Variants in PSMA1 observed in about 807,000 individuals in gnomAD.
The protein encoded by PSMA1 is proteasome 20S subunit alpha 1, also known as proteasome subunit alpha type-1.
Under a neutral mutation model 38.4 loss-of-function variants are expected in PSMA1, and 3 were observed. The ratio of observed to expected loss-of-function variants is 0.08; its 90% CI spans 0.04 to 0.20. The LOEUF (loss-of-function observed/expected upper bound fraction) is 0.20, where lower values mean the gene tolerates loss of function less well. Among genes scored for constraint, PSMA1 ranks in the 10% least tolerant of loss-of-function variants. PSMA1 has a pLI of 1.00. For synonymous variants in PSMA1, 101 were observed against 107.1 expected, an observed-to-expected ratio of 0.94 and a Z score of 0.35; for missense variants, 227 against 325.3, an observed-to-expected ratio of 0.70 and a Z score of 2.32.
intron 2 of PSMA1, among the ~76,000 whole-genome samples, chr11:14,595,923 G>A (rs1250198301): frequency 6.6e-6 from 1 of 152,148 alleles, no homozygotes; most frequent in African/African-American, 2.4e-5. Flanking sequence ...TTTTGTATAA[G>A]GTGTAAGGGA....
intron 2 of PSMA1, among the ~76,000 whole-genome samples, chr11:14,530,620 T>C (rs1851636981): frequency 6.6e-6 from 1 of 152,130 alleles, no homozygotes. Flanking sequence ...TAAGAGTTAG[T>C]GGGCTGGATG....
chr11:14,560,155 A>T (rs546012210), intron 2 of PSMA1, among the ~76,000 whole-genome samples: 1 of 152,310 alleles, frequency 6.6e-6, no homozygotes, highest in East Asian at 1.9e-4. Context: ...AGTTGTGGGA[A>T]TGACTGCCTT....
At position 14,510,110 on chromosome 11, in the gene PSMA1, C is replaced by T. The variant is rs190544218; in HGVS notation, c.624+762G>A. Among the ~76,000 whole-genome samples the T allele has an allele frequency of 4.3e-4, 66 of 152,266 alleles. 1 individual carries two copies. The East Asian group carries it at 7.9e-3, about 18-fold the overall frequency. On this transcript the variant is annotated intron_variant, in intron 8 of 9. Coordinates refer to ENST00000396394, the MANE Select transcript of PSMA1 (RefSeq NM_002786.4). The stretch of plus-strand genomic sequence containing the variant: ...TTCCTCTGCTCAAACTCTTAACAGC[C>T]CACCCAGAGTAAAATGCAGAGTAAC...
At chr11:14,643,445 C>A in intron 1 of PSMA1, 1 of 152,264 alleles carries the variant, frequency 6.6e-6, no homozygotes, top group Non-Finnish European at 1.5e-5. Context: ...GCTGGGTGTC[C>A]GTGACTTACC....
intron 2 of PSMA1, among the ~76,000 whole-genome samples, chr11:14,536,321 A>G (rs1195408517): frequency 5.3e-5 from 8 of 152,052 alleles, no homozygotes; most frequent in Non-Finnish European, 1.2e-4. Flanking sequence ...GCGGTCAAGA[A>G]TTCGAAACCA....
At chr11:14,552,820 CTTTTT>C (rs34932699) in intron 2 of PSMA1, among the ~76,000 whole-genome samples, 2 of 122,026 alleles carry the variant, frequency 1.6e-5, no homozygotes, top group Non-Finnish European at 1.7e-5. Flanking sequence ...GCTTATATAA[CTTTTT>C]TTTTTTTTTT....
chr11:14,520,492 G>A, upstream of PSMA1: 1 of 1,446,584 alleles, frequency 6.9e-7, no homozygotes, highest in Non-Finnish European at 9.1e-7. Context: ...CCGACCGCTC[G>A]GCGGCGGGCG....
At chr11:14,593,049 A>G (rs1247879627) in intron 2 of PSMA1, among the ~76,000 whole-genome samples, 1 of 152,226 alleles carries the variant, frequency 6.6e-6, no homozygotes, top group East Asian at 1.9e-4. Flanking sequence ...CCTTGACACA[A>G]TAATTGTTAA....
At chr11:14,608,055 A>G (rs908420471) in intron 2 of PSMA1, among the ~76,000 whole-genome samples, 1 of 152,190 alleles carries the variant, frequency 6.6e-6, no homozygotes, top group Non-Finnish European at 1.5e-5. Flanking sequence ...TACCCCAATA[A>G]TAGTGTATAT....
chr11:14,634,376 GC>G (rs1237740633), intron 1 of PSMA1, among the ~76,000 whole-genome samples: 11 of 152,128 alleles, frequency 7.2e-5, no homozygotes, highest in Admixed American at 2.6e-4. Flanking sequence ...ACAAATGCAT[GC>G]AACACACACT....
At chr11:14,525,229 T>G (rs1446007559), upstream of PSMA1, among the ~76,000 whole-genome samples, 2 of 152,140 alleles carry the variant, frequency 1.3e-5, no homozygotes, top group Non-Finnish European at 2.9e-5. Context: ...AGCCAAGACA[T>G]TTTAACCAAA....
chr11:14,641,234 G>A (rs1323158825), intron 1 of PSMA1, among the ~76,000 whole-genome samples: 2 of 152,020 alleles, frequency 1.3e-5, no homozygotes, highest in East Asian at 3.8e-4. Flanking sequence ...AATAAGGATG[G>A]GGTAAAGTGC....
chr11:14,549,595 G>T lies in PSMA1; in HGVS notation c.22-30554C>A, dbSNP rs188070025. ...GGGCCCCTGTAGTCCCAGCTACTTA[G>T]GAGGCTGAGGCAGGAGAATGGTGCG... On this transcript the variant is annotated intron_variant, in intron 2 of 10. Coordinates refer to the PSMA1 transcript ENST00000418988. Among the ~76,000 whole-genome samples, 426 of 151,970 alleles carry T rather than the reference G, an allele frequency of 2.8e-3. 5 individuals are homozygous for T. The highest frequency in any genetic ancestry group is 9.9e-3 in the African/African-American group (411 of 41,414).
At chr11:14,518,096 T>A (rs969123413) in intron 2 of PSMA1, 115 bp from the exon 3 acceptor site, 8 of 727,860 alleles carry the variant, frequency 1.1e-5, no homozygotes, top group Non-Finnish European at 1.7e-5. Flanking sequence ...TTTTTTTTAA[T>A]CAAGAGACCT....
At chr11:14,628,586 T>C (rs10832287) in intron 1 of PSMA1, among the ~76,000 whole-genome samples, 45,023 of 149,208 alleles carry the variant, frequency 0.3, 7,851 homozygotes, top group South Asian at 0.43. Context: ...TTTGGGTTGG[T>C]TCCAAGTCTT....
In PSMA1 at chr11:14,518,990, A is replaced by AT; in HGVS notation, c.48+6dup. The AT allele has an allele frequency of 6.3e-7, 1 of 1,575,800 alleles. No individual in the cohort carries two copies. The highest frequency in any genetic ancestry group is 8.6e-7 in the Non-Finnish European group (1 of 1,161,462). The stretch of plus-strand genomic sequence containing the variant: ...TTCACAGAAAAGGTTTAAAAACATT[A>AT]TTTTACCTGGGGGCTCCAAACAGTG... On this transcript the variant is annotated splice_region_variant and intron_variant, in intron 2 of 9. Coordinates refer to ENST00000396394, the MANE Select transcript of PSMA1 (RefSeq NM_002786.4).
At chr11:14,584,491 G>GT (rs1442575192) in intron 2 of PSMA1, among the ~76,000 whole-genome samples, 125 of 134,100 alleles carry the variant, frequency 9.3e-4, no homozygotes, top group African/African-American at 2.5e-3. Context: ...GGTTTGGAGT[G>GT]TTTTTTTTGT....
chr11:14,624,453 A>G (rs1852887267), intron 1 of PSMA1, among the ~76,000 whole-genome samples: 1 of 152,174 alleles, frequency 6.6e-6, no homozygotes, highest in South Asian at 2.1e-4. Flanking sequence ...AATCAGGACT[A>G]GCCCTATCTA....
At chr11:14,604,040 C>A (rs1332856710) in intron 2 of PSMA1, among the ~76,000 whole-genome samples, 1 of 152,176 alleles carries the variant, frequency 6.6e-6, no homozygotes, top group Non-Finnish European at 1.5e-5. Flanking sequence ...CTCTTCCCAC[C>A]ATTAAAATAC....
Sources: gnomAD v4.1 joint callset for allele counts (sites outside exome capture counted in the v4.1 genomes callset) on GRCh38, gnomAD v4.1.1 for gene constraint, MANE v1.5 for transcripts, NCBI Gene and HGNC (gene_info 2026-07-23, HGNC 2026-07-21) for gene names.